The following ATP8A2 variants were observed in gnomAD, a reference collection of about 807,000 sequenced individuals.
The protein encoded by ATP8A2 is phospholipid-transporting ATPase IB.
ATP8A2 carries 100 observed loss-of-function variants against 165.6 expected under a neutral mutation model. That is an observed-to-expected ratio of 0.60 (90% CI 0.51 to 0.71). The LOEUF (loss-of-function observed/expected upper bound fraction) is 0.71. ATP8A2 is among the 30% of genes least tolerant of loss of function. The probability of loss-of-function intolerance (pLI) is 0.00; values close to 1 mark genes in which losing one functional copy is unlikely to be tolerated. For missense variants in ATP8A2, 1,227 were observed against 1,479.5 expected (o/e 0.83, Z 2.80); for synonymous variants, 543 against 548.8 (o/e 0.99, Z 0.15).
intron 1 of ATP8A2, among the ~76,000 whole-genome samples, chr13:25,444,794 C>T (rs932730578): frequency 4.9e-4 from 74 of 152,092 alleles, no homozygotes; most frequent in Non-Finnish European, 2.8e-4. Flanking sequence ...TACAGGCACC[C>T]GCCACCAGAA....
chr13:25,946,974 C>T (rs1955230772), intron 33 of ATP8A2, among the ~76,000 whole-genome samples: 2 of 152,196 alleles, frequency 1.3e-5, no homozygotes, highest in South Asian at 2.1e-4. Context: ...TCTTGAACTT[C>T]TGGCCTCAGG....
chr13:25,668,373 C>G (rs537879859), intron 24 of ATP8A2, among the ~76,000 whole-genome samples: 4 of 152,034 alleles, frequency 2.6e-5, no homozygotes, highest in Admixed American at 1.3e-4. Flanking sequence ...TCCATGGTTT[C>G]TGATGAGAAA....
At chr13:25,755,661 C>G (rs541398111) in intron 25 of ATP8A2, among the ~76,000 whole-genome samples, 1 of 152,266 alleles carries the variant, frequency 6.6e-6, no homozygotes, top group African/African-American at 2.4e-5. Context: ...AATCCCAGAA[C>G]TTTGAGAGGC....
chr13:25,510,220 CAG>C (rs58075185), intron 2 of ATP8A2, among the ~76,000 whole-genome samples: 5,385 of 40,240 alleles, frequency 0.13, 209 homozygotes, highest in African/African-American at 0.21. Context: ...CACACACACA[CAG>C]AGAATGTTGA....
intron 27 of ATP8A2, among the ~76,000 whole-genome samples, chr13:25,778,793 C>G (rs1454616023): frequency 6.6e-6 from 1 of 152,216 alleles, no homozygotes; most frequent in African/African-American, 2.4e-5. Context: ...CCAGCCTCCT[C>G]TGCCACTGTA....
intron 2 of ATP8A2, among the ~76,000 whole-genome samples, chr13:25,485,609 G>C (rs1481613248): frequency 6.6e-6 from 1 of 152,206 alleles, no homozygotes; most frequent in Non-Finnish European, 1.5e-5. Flanking sequence ...TTCTTCCTCT[G>C]CATCGAGGCT....
intron 25 of ATP8A2, among the ~76,000 whole-genome samples, chr13:25,741,555 A>G (rs1325622925): frequency 6.9e-6 from 1 of 145,358 alleles, no homozygotes; most frequent in Admixed American, 6.9e-5. Flanking sequence ...CTAATTTTTA[A>G]TTTTTTTTTT....
intron 7 of ATP8A2, among the ~76,000 whole-genome samples, chr13:25,539,114 G>A (rs1310632200): frequency 6.9e-6 from 1 of 145,640 alleles, no homozygotes; most frequent in Non-Finnish European, 1.5e-5. Context: ...GTTTTGTTTT[G>A]GAGACAAGGT....
intron 21 of ATP8A2, 37 bp downstream of exon 21, chr13:25,578,936 G>C: frequency 7.5e-7 from 1 of 1,327,686 alleles, no homozygotes; most frequent in Non-Finnish European, 1.1e-6. Context: ...TTGGCCATTG[G>C]AGCTGTACTT....
chr13:25,481,073 G>T (rs1414954631), intron 2 of ATP8A2, among the ~76,000 whole-genome samples: 1 of 151,786 alleles, frequency 6.6e-6, no homozygotes, highest in Non-Finnish European at 1.5e-5. Context: ...GGAGAATCAG[G>T]CAGGGAGGTT....
intron 33 of ATP8A2, among the ~76,000 whole-genome samples, chr13:25,949,137 G>A (rs774583335): frequency 3.0e-4 from 46 of 152,336 alleles, no homozygotes; most frequent in Non-Finnish European, 4.9e-4. Flanking sequence ...GAGGGCGTGT[G>A]TTCAGGTAGT....
rs184250 is a variant in ATP8A2 at position 25,922,765 on chromosome 13, G to T, written c.3184-38810G>T. On this transcript the variant is annotated intron_variant, in intron 33 of 36. Transcript: ENST00000381655. ...ACAGGGGTGTGGGTTCCCAAAGAAG[G>T]GGGGATCGGTAGGCCCTACACATTT... is the stretch of plus-strand genomic sequence containing the variant. 1.4e-4 allele frequency among the ~76,000 whole-genome samples: 22 copies of T among 152,296 alleles called. No homozygotes were observed. In the South Asian group the frequency reaches 2.9e-3, roughly 20 times the overall value.
intron 25 of ATP8A2, among the ~76,000 whole-genome samples, chr13:25,714,894 G>T (rs1467886693): frequency 6.6e-6 from 1 of 152,168 alleles, no homozygotes; most frequent in Non-Finnish European, 1.5e-5. Context: ...TCTCTTGGAG[G>T]AACCAAGGAG....
At chr13:25,618,683 CTT>C (rs60683948) in intron 24 of ATP8A2, among the ~76,000 whole-genome samples, 1,422 of 131,498 alleles carry the variant, frequency 0.011, 18 homozygotes, top group South Asian at 0.049. Context: ...GATAGTTAGA[CTT>C]TTTTTTTTTT....
At chr13:25,782,949 C>T (rs969973412) in intron 27 of ATP8A2, among the ~76,000 whole-genome samples, 19 of 152,244 alleles carry the variant, frequency 1.2e-4, no homozygotes, top group African/African-American at 2.9e-4. Context: ...CCATGTTGGC[C>T]AGGCTGATCT....
intron 25 of ATP8A2, 146 bp downstream of exon 25, chr13:25,699,491 G>A (rs1265781296): frequency 1.6e-6 from 1 of 639,346 alleles, no homozygotes; most frequent in Non-Finnish European, 2.4e-6. Context: ...ATTTTTAACT[G>A]TTGGTGCACA....
chr13:25,539,560 G>T (rs950540286), intron 7 of ATP8A2, among the ~76,000 whole-genome samples: 3 of 152,068 alleles, frequency 2.0e-5, no homozygotes, highest in Non-Finnish European at 1.5e-5. Flanking sequence ...CAATAACCCT[G>T]GATAGCCTTC....
At chr13:25,892,478 G>GTCTCTCTGTCTCTCTCTCTC (rs1555286135) in intron 33 of ATP8A2, among the ~76,000 whole-genome samples, 12 of 136,246 alleles carry the variant, frequency 8.8e-5, no homozygotes, top group Admixed American at 6.7e-4. Flanking sequence ...CTGTCTCTCT[G>GTCTCTCTGTCTCTCTCTCTC]TCTCTCTCTC....
At chr13:25,381,347 C>A (rs750828511) in intron 1 of ATP8A2, among the ~76,000 whole-genome samples, 11 of 152,158 alleles carry the variant, frequency 7.2e-5, no homozygotes, top group Non-Finnish European at 5.9e-5. Flanking sequence ...TTCTCCATAA[C>A]ATATTACTTT....
Sources: gnomAD v4.1 joint callset for allele counts (sites outside exome capture counted in the v4.1 genomes callset) on GRCh38, gnomAD v4.1.1 for gene constraint, MANE v1.5 for transcripts, NCBI Gene and HGNC (gene_info 2026-07-23, HGNC 2026-07-21) for gene names.